The following EPHA7 variants were observed in gnomAD, a reference collection of about 807,000 sequenced individuals.
EPHA7 encodes the protein EPH receptor A7.
In EPHA7, 25 loss-of-function variants were observed where a neutral mutation model predicts 112.6. The ratio of observed to expected loss-of-function variants is 0.22; its 90% CI spans 0.16 to 0.31. EPHA7 has a LOEUF of 0.31. Among genes scored for constraint, EPHA7 ranks in the 10% least tolerant of loss-of-function variants. EPHA7 has a pLI of 1.00. For missense variants in EPHA7, 962 were observed against 1,212.6 expected, an observed-to-expected ratio of 0.79 and a Z score of 3.07; for synonymous variants, 437 against 406.5, an observed-to-expected ratio of 1.07 and a Z score of -0.90.
chr6:93,366,031 AT>A (rs529408921), intron 3 of EPHA7, among the ~76,000 whole-genome samples: 203 of 152,250 alleles, frequency 1.3e-3, no homozygotes, highest in African/African-American at 4.7e-3. Context: ...CTTTACTTAA[AT>A]TTTCAGCTTA....
At chr6:93,295,173 G>C (rs1270615629) in intron 5 of EPHA7, among the ~76,000 whole-genome samples, 2 of 151,924 alleles carry the variant, frequency 1.3e-5, no homozygotes, top group African/African-American at 2.4e-5. Flanking sequence ...AATTTCAGTA[G>C]TGAGATAATT....
intron 3 of EPHA7, among the ~76,000 whole-genome samples, chr6:93,385,120 A>G (rs1448989661): frequency 6.6e-6 from 1 of 152,158 alleles, no homozygotes; most frequent in Non-Finnish European, 1.5e-5. Flanking sequence ...TCCTTACATA[A>G]AATGGCACAT....
chr6:93,245,365 T>C lies in EPHA7; in HGVS notation c.2815A>G (p.Arg939Gly). Residue 939 changes from arginine to glycine, a missense_variant, in exon 16 of 17, where the codon AGA becomes GGA. By Grantham distance (125) the Arg-to-Gly change is moderately radical. Around this residue, in one of 3 missense-constraint regions of EPHA7, gnomAD observed 746 missense variants for 889.2 expected, o/e 0.84. Transcript: ENST00000369303. Reference protein sequence around the residue: ...GEWLQAIKMERYKDNFTAAGY... With the variant: ...GEWLQAIKMEGYKDNFTAAGY... ...GCTGCCGTGAAATTATCTTTATATC[T>C]TTCCATCTTAATAGCTTGTAGCCAT... 1 of 1,613,776 alleles carries C rather than the reference T, an allele frequency of 6.2e-7. No individual in the cohort carries two copies. Among genetic ancestry groups the C allele is most frequent in the Non-Finnish European group, 8.5e-7 (1 of 1,179,888 alleles).
chr6:93,341,327 G>T (rs1775124859), intron 5 of EPHA7, among the ~76,000 whole-genome samples: 2 of 151,588 alleles, frequency 1.3e-5, no homozygotes, highest in Admixed American at 1.3e-4. Context: ...ATGCATTTTT[G>T]CACAAGATCA....
chr6:93,301,746 T>A (rs1268851250), intron 5 of EPHA7, among the ~76,000 whole-genome samples: 1 of 152,198 alleles, frequency 6.6e-6, no homozygotes, highest in Non-Finnish European at 1.5e-5. Flanking sequence ...GCATAGTGAA[T>A]GTGATCTTTC....
intron 5 of EPHA7, among the ~76,000 whole-genome samples, chr6:93,280,592 G>A (rs1771684122): frequency 6.6e-6 from 1 of 152,112 alleles, no homozygotes; most frequent in African/African-American, 2.4e-5. Flanking sequence ...ACTTAGAGAA[G>A]CAGTAGAGTA....
At chr6:93,383,130 C>T (rs1408036061) in intron 3 of EPHA7, among the ~76,000 whole-genome samples, 3 of 152,000 alleles carry the variant, frequency 2.0e-5, no homozygotes, top group Admixed American at 2.0e-4. Context: ...TCATGCTACC[C>T]AATAATTAAC....
At chr6:93,245,173 G>T in intron 16 of EPHA7, 125 bp downstream of exon 16, 1 of 892,998 alleles carries the variant, frequency 1.1e-6, no homozygotes, top group Non-Finnish European at 1.7e-6. Flanking sequence ...ACTTGTTAAA[G>T]AAGTATTTTT....
chr6:93,337,834 C>T (rs538939298), intron 5 of EPHA7, among the ~76,000 whole-genome samples: 3 of 151,942 alleles, frequency 2.0e-5, no homozygotes, highest in Non-Finnish European at 4.4e-5. Context: ...CTTTGTTCAC[C>T]GTTTATATGA....
chr6:93,334,351 T>A (rs901243345), intron 5 of EPHA7, among the ~76,000 whole-genome samples: 4 of 151,960 alleles, frequency 2.6e-5, no homozygotes, highest in African/African-American at 9.7e-5. Context: ...AAAGATTTCA[T>A]GATGAAGATG....
intron 3 of EPHA7, among the ~76,000 whole-genome samples, chr6:93,368,231 A>G (rs1342796153): frequency 3.9e-5 from 6 of 152,124 alleles, no homozygotes; most frequent in Non-Finnish European, 1.5e-5. Context: ...TAAACATTGT[A>G]CCTTAACTTG....
intron 5 of EPHA7, among the ~76,000 whole-genome samples, chr6:93,352,804 TG>T (rs2127939463): frequency 6.6e-6 from 1 of 152,004 alleles, no homozygotes; most frequent in South Asian, 2.1e-4. Context: ...ATGAAGTGGG[TG>T]GGCATTATCC....
intron 5 of EPHA7, among the ~76,000 whole-genome samples, chr6:93,318,089 T>C (rs10944663): frequency 1.3e-5 from 2 of 152,070 alleles, no homozygotes; most frequent in Non-Finnish European, 2.9e-5. Flanking sequence ...AATGTACTTA[T>C]AAGACATACT....
chr6:93,330,523 A>G (rs1331967103), intron 5 of EPHA7, among the ~76,000 whole-genome samples: 2 of 151,286 alleles, frequency 1.3e-5, no homozygotes, highest in African/African-American at 4.8e-5. Flanking sequence ...ATAAGTGAGA[A>G]CATGTAGTAG....
At chr6:93,288,681 T>G (rs1772198013) in intron 5 of EPHA7, among the ~76,000 whole-genome samples, 1 of 151,936 alleles carries the variant, frequency 6.6e-6, no homozygotes, top group South Asian at 2.1e-4. Context: ...TGCATAAATC[T>G]TCCCTCATTT....
At position 93,419,320 on chromosome 6, in the gene EPHA7, G is replaced by A. The variant is rs746638787; in HGVS notation, c.22C>T (p.Pro8Ser). ...ATGTAGCATAAAATAATCCATGAAG[G>A]GTACCGAGTTTGAAAAACCATGGTG... MVFQTRY[P>S]SWIILCYIWL... The change falls in exon 1 of 17, where the codon CCT (proline) becomes TCT (serine). Residue 8 changes from proline (P) to serine (S), a missense_variant. Transcript: ENST00000369303. 54 of 1,613,884 alleles carry A rather than the reference G, an allele frequency of 3.3e-5. No individual in the cohort carries two copies. Among genetic ancestry groups the A allele is most frequent in the Non-Finnish European group, 4.3e-5 (51 of 1,179,942 alleles).
At chr6:93,390,208 T>G (rs1033815541) in intron 3 of EPHA7, among the ~76,000 whole-genome samples, 3 of 149,854 alleles carry the variant, frequency 2.0e-5, no homozygotes, top group African/African-American at 7.4e-5. Flanking sequence ...AAAAGGTAAC[T>G]GGTCTGGATT....
chr6:93,257,165 A>G (rs1770477719), intron 12 of EPHA7, among the ~76,000 whole-genome samples: 1 of 152,048 alleles, frequency 6.6e-6, no homozygotes, highest in South Asian at 2.1e-4. Context: ...TTCATTTACA[A>G]TTGTATATAC....
chr6:93,349,812 A>G (rs1331657551), intron 5 of EPHA7, among the ~76,000 whole-genome samples: 1 of 151,970 alleles, frequency 6.6e-6, no homozygotes, highest in African/African-American at 2.4e-5. Flanking sequence ...ATGTGTGTCC[A>G]TTAAATCATT....
Sources: gnomAD v4.1 joint callset for allele counts (sites outside exome capture counted in the v4.1 genomes callset) on GRCh38, gnomAD v4.1.1 for gene constraint, gnomAD v4.1.1 regional missense constraint, MANE v1.5 for transcripts, NCBI Gene and HGNC (gene_info 2026-07-23, HGNC 2026-07-21) for gene names.